Variants in RUFY1 observed in about 807,000 individuals in gnomAD.
The protein encoded by RUFY1 is RUN and FYVE domain-containing protein 1.
In RUFY1, 54 loss-of-function variants were observed where a neutral mutation model predicts 94.6. That is an observed-to-expected ratio of 0.57 (90% CI 0.46 to 0.72). RUFY1 has a LOEUF of 0.72. RUFY1 is among the 30% of genes least tolerant of loss of function. RUFY1 has a pLI of 0.00. For missense variants in RUFY1, 883 were observed against 883.9 expected (o/e 1.00, Z 0.01); for synonymous variants, 396 against 347.3 (o/e 1.14, Z -1.56).
In RUFY1 at chr5:179,559,932, C is replaced by A. The variant is rs1408521500; in HGVS notation, c.311-93C>A. 3 of 1,499,356 alleles carry A rather than the reference C, an allele frequency of 2.0e-6. No individual in the cohort carries two copies. In the African/African-American group the frequency reaches 4.2e-5, roughly 21 times the overall value. 92.9% of individuals were successfully genotyped at this position (1,499,356 alleles called of 1,614,324 possible). ...TCCGTTCCCTAAGCAGACCGCCTGGCCTCCTGCCTGACCCGTCTTCTCACC... is the reference window on the plus strand; with the variant it reads ...TCCGTTCCCTAAGCAGACCGCCTGGACTCCTGCCTGACCCGTCTTCTCACC... On this transcript the variant is annotated intron_variant, in intron 1 of 17. Transcript: ENST00000319449.
Position 179,577,100 on chromosome 5 carries a change from A to C in RUFY1, c.854A>C (p.Tyr285Ser), listed in dbSNP as rs539465129. 63 of 1,586,396 alleles carry C rather than the reference A, an allele frequency of 4.0e-5. No homozygotes were observed. The highest frequency in any genetic ancestry group is 5.4e-5 in the Non-Finnish European group (63 of 1,164,332). ...SQVGVIDFSLYLKDVQDLDGG... is the reference protein window; with the variant it reads ...SQVGVIDFSLSLKDVQDLDGG... Reference sequence around the variant, plus strand: ...GTTGGAGTAATAGATTTTTCCCTCTACCTTAAGGATGTGCAGGATCTTGAT... The same window carrying C: ...GTTGGAGTAATAGATTTTTCCCTCTCCCTTAAGGATGTGCAGGATCTTGAT... Residue 285 changes from tyrosine (Y) to serine (S), a missense_variant, in exon 6 of 18, where the codon TAC becomes TCC. Tyr to Ser is a moderately radical substitution (Grantham distance 144). Coordinates refer to ENST00000319449, the MANE Select transcript of RUFY1 (RefSeq NM_025158.5).
In RUFY1 at chr5:179,550,740, G is replaced by C. The variant is rs1308286964; in HGVS notation, c.171G>C (p.Arg57=). 7 of 1,456,450 alleles carry C rather than the reference G, an allele frequency of 4.8e-6. No individual in the cohort carries two copies. The Admixed American group carries it at 9.3e-5, about 19-fold the overall frequency. 90.2% of individuals were successfully genotyped at this position (1,456,450 alleles called of 1,614,324 possible). ...ACCTGCGGAGCGCAACGAGGCCGCG[G>C]GCGGCCGAGGGCTGGTCGGCGCCCA... ...PGDLRSATRP[R]AAEGWSAPIL... The change falls in exon 1 of 18, where the codon CGG becomes CGC. Residue 57 remains arginine, a synonymous_variant. Transcript: ENST00000319449.
At chr5:179,577,854 T>G (rs1763776647) in intron 6 of RUFY1, among the ~76,000 whole-genome samples, 2 of 39,520 alleles carry the variant, frequency 5.1e-5, no homozygotes, top group Non-Finnish European at 9.4e-5. Flanking sequence ...GGCTCTTCTC[T>G]GCAGCAAAAA....
chr5:179,574,206 C>A (rs9329084), intron 5 of RUFY1, among the ~76,000 whole-genome samples: 61,156 of 151,450 alleles, frequency 0.4, 12,775 homozygotes, highest in East Asian at 0.73. Context: ...ACCGCCCTGA[C>A]CAACATGGTG....
In RUFY1 at chr5:179,578,348, G is replaced by A. The variant is rs1182731696; in HGVS notation, c.890+1212G>A. ...TCTGCCTCAGCCTCCCGAGTAGCAG[G>A]GATAACAGGCGTTCCCCATCATGCC... On this transcript the variant is annotated intron_variant, in intron 6 of 17. Transcript: ENST00000319449. Among the ~76,000 whole-genome samples the A allele has an allele frequency of 2.0e-5, 3 of 151,974 alleles. No homozygotes were observed. In the East Asian group the frequency reaches 5.8e-4, roughly 29 times the overall value.
At chr5:179,593,429 T>C in intron 10 of RUFY1, 49 bp from the exon 11 acceptor site, 1 of 1,565,574 alleles carries the variant, frequency 6.4e-7, no homozygotes, top group Non-Finnish European at 8.8e-7. Context: ...GTTAAATACA[T>C]TTCTGTGATC....
At chr5:179,609,237 GCA>G (rs1767463551) in intron 17 of RUFY1, 137 bp from the exon 18 acceptor site, 2 of 659,426 alleles carry the variant, frequency 3.0e-6, no homozygotes, top group Non-Finnish European at 4.8e-6. Context: ...ACCCTTGTTT[GCA>G]CACAGCCCCT....
intron 5 of RUFY1, among the ~76,000 whole-genome samples, chr5:179,574,457 C>T (rs930440144): frequency 1.2e-4 from 19 of 152,006 alleles, no homozygotes; most frequent in South Asian, 4.1e-4. Context: ...TGTTTTCTAC[C>T]GCAGCTTATT....
At chr5:179,566,867 C>G (rs1003103603) in intron 3 of RUFY1, among the ~76,000 whole-genome samples, 15 of 151,902 alleles carry the variant, frequency 9.9e-5, no homozygotes, top group Non-Finnish European at 2.1e-4. Context: ...ACCAGCTTGG[C>G]TAACATGGCA....
rs1309770156 is a variant in RUFY1, at chr5:179,609,537, C to T, written c.*18C>T. 6.3e-7 allele frequency: 1 copy of T among 1,584,208 alleles called. No homozygotes were observed. The highest frequency in any genetic ancestry group is 8.5e-7 in the Non-Finnish European group (1 of 1,169,874). On this transcript the variant is annotated 3_prime_UTR_variant, in exon 18 of 18. Transcript: ENST00000319449. ...CCTCCTGAACGTCCGTCCTCAGGAG[C>T]ACAGCCTCACGGACAGTGCCAAACC...
At chr5:179,568,483 G>A (rs574824391) in intron 4 of RUFY1, among the ~76,000 whole-genome samples, 143 of 152,160 alleles carry the variant, frequency 9.4e-4, no homozygotes, top group African/African-American at 3.4e-3. Flanking sequence ...GCTCATTGTC[G>A]AACATATCTT....
intron 14 of RUFY1, chr5:179,600,059 A>G (rs1766185293): frequency 6.6e-6 from 1 of 152,266 alleles, no homozygotes; most frequent in African/African-American, 2.4e-5. Flanking sequence ...GTCCCGCCTC[A>G]TCACGGGGCA....
intron 5 of RUFY1, among the ~76,000 whole-genome samples, chr5:179,575,783 G>GT (rs549835247): frequency 4.9e-4 from 75 of 151,600 alleles, no homozygotes; most frequent in Non-Finnish European, 8.1e-4. Flanking sequence ...GAGTTTTGTT[G>GT]TTTTTTTTGT....
At position 179,593,579 on chromosome 5, in the gene RUFY1, A is replaced by G; in HGVS notation, c.1347A>G (p.Leu449=). ...EKDTHEKQDT[L]VALRQQLEEV... ...ACACCCACGAGAAGCAGGACACACT[A>G]GTTGCCCTCCGCCAGCAGCTGGAAG... Residue 449 remains leucine, a synonymous_variant, in exon 11 of 18, where the codon CTA becomes CTG. Coordinates refer to ENST00000319449, the MANE Select transcript of RUFY1 (RefSeq NM_025158.5). 1 of 1,614,188 alleles carries G rather than the reference A, an allele frequency of 6.2e-7. No individual in the cohort carries two copies. The highest frequency in any genetic ancestry group is 8.5e-7 in the Non-Finnish European group (1 of 1,179,984).
intron 2 of RUFY1, 128 bp from the exon 3 acceptor site, chr5:179,562,419 A>G: frequency 1.5e-6 from 1 of 668,298 alleles, no homozygotes; most frequent in South Asian, 1.8e-5. Flanking sequence ...AAAGATTTTT[A>G]AAAAAGGATT....
chr5:179,604,036 A>T (rs57785769), intron 15 of RUFY1, among the ~76,000 whole-genome samples: 1 of 152,144 alleles, frequency 6.6e-6, no homozygotes, highest in Admixed American at 6.5e-5. Flanking sequence ...CAGCCTGGGC[A>T]ATAAGAGTGA....
intron 1 of RUFY1, 91 bp from the exon 2 acceptor site, chr5:179,559,934 T>G: frequency 6.7e-7 from 1 of 1,502,226 alleles, no homozygotes; most frequent in Non-Finnish European, 8.9e-7. Context: ...CCGCCTGGCC[T>G]CCTGCCTGAC....
intron 1 of RUFY1, among the ~76,000 whole-genome samples, chr5:179,559,101 A>AAC (rs1001197045): frequency 6.6e-6 from 1 of 151,714 alleles, no homozygotes; most frequent in Non-Finnish European, 1.5e-5. Context: ...AGACAATGTA[A>AAC]ACGCGCGCGC....
chr5:179,557,796 T>C (rs555225408), intron 1 of RUFY1, among the ~76,000 whole-genome samples: 1 of 152,250 alleles, frequency 6.6e-6, no homozygotes, highest in Non-Finnish European at 1.5e-5. Context: ...ACCACCCCTC[T>C]GCCCCAAGAC....
Sources: allele counts gnomAD v4.1 joint callset (sites outside exome capture counted in the v4.1 genomes callset), GRCh38; gene constraint gnomAD v4.1.1; transcripts MANE v1.5; gene names NCBI Gene and HGNC (gene_info 2026-07-23, HGNC 2026-07-21).